The following IL17RA variants were observed in gnomAD, a reference collection of about 807,000 sequenced individuals.
IL17RA encodes the protein interleukin 17 receptor A.
Under a neutral mutation model 50.4 loss-of-function variants are expected in IL17RA, and 34 were observed. The observed-to-expected ratio is 0.67, with a 90% CI of 0.51 to 0.90. The LOEUF (loss-of-function observed/expected upper bound fraction) is 0.90, where lower values mean the gene tolerates loss of function less well. IL17RA is among the 40% of genes least tolerant of loss of function. IL17RA has a pLI of 0.00. For synonymous variants in IL17RA, 585 were observed against 510.4 expected (o/e 1.15, Z -1.97); for missense variants, 1,276 against 1,169.8 (o/e 1.09, Z -1.32).
chr22:17,107,722 T>G lies in IL17RA; in HGVS notation c.1046-5T>G. The G allele has an allele frequency of 1.2e-6, 2 of 1,613,020 alleles. No individual in the cohort carries two copies. Among genetic ancestry groups the G allele is most frequent in the Non-Finnish European group, 1.7e-6 (2 of 1,178,918 alleles). On this transcript the variant is annotated splice_polypyrimidine_tract_variant and splice_region_variant and intron_variant, in intron 11 of 12. Coordinates refer to ENST00000319363, the MANE Select transcript of IL17RA (RefSeq NM_014339.7). Reference sequence around the variant, plus strand: ...CCACTCCAGTGTATTTCTTTTCCTTTCCAGGGCCTGGAAGTGAAAAATACA... The same window carrying G: ...CCACTCCAGTGTATTTCTTTTCCTTGCCAGGGCCTGGAAGTGAAAAATACA...
chr22:17,109,226 G>A lies in IL17RA; in HGVS notation c.2007G>A (p.Val669=). 1 of 1,495,438 alleles carries A rather than the reference G, an allele frequency of 6.7e-7. No homozygotes were observed. Among genetic ancestry groups the A allele is most frequent in the African/African-American group, 1.4e-5 (1 of 72,170 alleles). The allele number at this position is 1,495,438 out of a possible 1,614,324, so 92.6% of individuals were successfully genotyped here. Residue 669 remains valine (V), a synonymous_variant, in exon 13 of 13, where the codon GTG becomes GTA. Transcript: ENST00000319363. ...QPAPQPLHTL[V]LAAEEGALVA... Reference sequence around the variant, plus strand: ...CGCCGCAGCCCCTCCACACCCTGGTGCTCGCCGCAGAGGAGGGGGCCCTGG... The same window carrying A: ...CGCCGCAGCCCCTCCACACCCTGGTACTCGCCGCAGAGGAGGGGGCCCTGG...
At chr22:17,103,599 A>C (rs1399703783) in intron 8 of IL17RA, 22 bp downstream of exon 8, 4 of 1,583,252 alleles carry the variant, frequency 2.5e-6, no homozygotes, top group Non-Finnish European at 3.5e-6. Context: ...TGGTGTGGAC[A>C]GGTGCAGGGA....
rs1384309702 is a variant in IL17RA at position 17,103,590 on chromosome 22, G to T, written c.846+13G>T. The T allele has an allele frequency of 6.2e-7, 1 of 1,601,766 alleles. No homozygotes were observed. The highest frequency in any genetic ancestry group is 1.3e-5 in the African/African-American group (1 of 74,480). On this transcript the variant is annotated intron_variant, in intron 8 of 12. Coordinates refer to ENST00000319363, the MANE Select transcript of IL17RA (RefSeq NM_014339.7). ...CCACCAAGTGCAGGTGGGTGAGTGT[G>T]GTGTGGACAGGTGCAGGGAGCAAAA...
At chr22:17,085,306 G>A in intron 1 of IL17RA, 77 bp downstream of exon 1, 2 of 1,521,762 alleles carry the variant, frequency 1.3e-6, no homozygotes, top group South Asian at 1.2e-5. Flanking sequence ...CCGGACGGTC[G>A]GGACTACGCG....
At chr22:17,087,850 A>G (rs547912314) in intron 1 of IL17RA, among the ~76,000 whole-genome samples, 2 of 152,354 alleles carry the variant, frequency 1.3e-5, no homozygotes, top group South Asian at 2.1e-4. Context: ...ACGTAATTTC[A>G]TAGACAGGAT....
At position 17,108,903 on chromosome 22, in the gene IL17RA, C is replaced by G. The variant is rs1045960937; in HGVS notation, c.1684C>G (p.Pro562Ala). 4.3e-6 allele frequency: 7 copies of G among 1,611,464 alleles called. No homozygotes were observed. Among genetic ancestry groups the G allele is most frequent in the Non-Finnish European group, 5.9e-6 (7 of 1,179,344 alleles). ...ELSGDNYLRSPGGRQLRAALD... is the reference protein window; with the variant it reads ...ELSGDNYLRSAGGRQLRAALD... ...GTCGGGGGACAACTACCTGCGGAGC[C>G]CGGGCGGCAGGCAGCTCCGCGCCGC... is the stretch of plus-strand genomic sequence containing the variant. The change falls in exon 13 of 13, where the codon CCG becomes GCG. Residue 562 changes from proline to alanine, a missense_variant. Physicochemically the swap from Pro to Ala is conservative, Grantham distance 27. Transcript: ENST00000319363.
intron 1 of IL17RA, 143 bp from the exon 2 acceptor site, chr22:17,096,919 C>T (rs1043146615): frequency 6.6e-6 from 5 of 757,008 alleles, no homozygotes; most frequent in African/African-American, 3.5e-5. Flanking sequence ...CCTGGACTCA[C>T]TCCTCATCCT....
chr22:17,087,810 A>G lies in IL17RA; in HGVS notation c.138+2581A>G, dbSNP rs567652013. On this transcript the variant is annotated intron_variant, in intron 1 of 12. Coordinates refer to ENST00000319363, the MANE Select transcript of IL17RA (RefSeq NM_014339.7). Reference sequence around the variant, plus strand: ...AATGCCCATAGGAAAGACAGCAGCAACTTAAGAGTTGGTCAGGGTAAATGT... The same window carrying G: ...AATGCCCATAGGAAAGACAGCAGCAGCTTAAGAGTTGGTCAGGGTAAATGT... Among the ~76,000 whole-genome samples, 3 of 152,376 alleles carry G rather than the reference A, an allele frequency of 2.0e-5. No individual in the cohort carries two copies. The South Asian group carries it at 6.2e-4, about 32-fold the overall frequency.
chr22:17,090,730 T>G (rs1349636776), intron 1 of IL17RA, among the ~76,000 whole-genome samples: 1 of 152,242 alleles, frequency 6.6e-6, no homozygotes, highest in Non-Finnish European at 1.5e-5. Flanking sequence ...AATCATGATT[T>G]TAGTTAAATT....
At position 17,097,065 on chromosome 22, in the gene IL17RA, C is replaced by G; in HGVS notation, c.142C>G (p.Leu48Val). 6.2e-7 allele frequency: 1 copy of G among 1,613,588 alleles called. No homozygotes were observed. The highest frequency in any genetic ancestry group is 8.5e-7 in the Non-Finnish European group (1 of 1,179,600). Residue 48 changes from leucine to valine, a missense_variant, in exon 2 of 13, where the codon CTA becomes GTA. Leu to Val is a conservative substitution (Grantham distance 32). Transcript: ENST00000319363. ...HRALVCSQPG[L>V]NCTVKNSTCL... Reference sequence around the variant, plus strand: ...AACCACCCTCTTTTTTCCACAGGGGCTAAACTGCACGGTCAAGAATAGTAA... The same window carrying G: ...AACCACCCTCTTTTTTCCACAGGGGGTAAACTGCACGGTCAAGAATAGTAA...
intron 1 of IL17RA, among the ~76,000 whole-genome samples, chr22:17,088,143 T>C (rs778641053): frequency 8.5e-5 from 13 of 152,098 alleles, no homozygotes; most frequent in African/African-American, 2.4e-4. Flanking sequence ...AGCTAATGAG[T>C]GCTAAGGTGA....
intron 1 of IL17RA, among the ~76,000 whole-genome samples, chr22:17,085,950 C>G (rs1459062722): frequency 1.3e-5 from 2 of 152,120 alleles, no homozygotes; most frequent in African/African-American, 4.8e-5. Context: ...GCAGATGGTT[C>G]TTAAGACGGC....
rs371093629 is a variant in IL17RA at position 17,105,720 on chromosome 22, T to TG, written c.943+124dup. On this transcript the variant is annotated intron_variant, in intron 10 of 12. Transcript: ENST00000319363. Reference sequence around the variant, plus strand: ...AGGCTGAACCGAGGCCAGCCCGGGGTGGGGGGTGAGACCATGGTTTGTCGT... The same window carrying TG: ...AGGCTGAACCGAGGCCAGCCCGGGGTGGGGGGGTGAGACCATGGTTTGTCGT... 18,371 of 689,966 alleles carry TG rather than the reference T, an allele frequency of 0.027. 622 individuals carry two copies. In the East Asian group the frequency reaches 0.3, roughly 11 times the overall value. The allele number at this position is 689,966 out of a possible 1,614,324, so 42.7% of individuals were successfully genotyped here. A position where few individuals can be genotyped will look rare whatever the true frequency, so the allele number is the denominator to read the frequency against.
chr22:17,105,725 G>A (rs1438572773), intron 10 of IL17RA, 123 bp downstream of exon 10: 3 of 1,343,702 alleles, frequency 2.2e-6, no homozygotes, highest in Non-Finnish European at 3.1e-6. Flanking sequence ...CGGGGTGGGG[G>A]GTGAGACCAT....
At chr22:17,098,666 C>G (rs1476290069) in intron 3 of IL17RA, 109 bp from the exon 4 acceptor site, 5 of 813,484 alleles carry the variant, frequency 6.1e-6, no homozygotes, top group Admixed American at 5.9e-5. Context: ...GGTAAGACGG[C>G]AGATTTTCTT....
At position 17,109,407 on chromosome 22, in the gene IL17RA, A is replaced by C; in HGVS notation, c.2188A>C (p.Ser730Arg). ...GGACCCCGAGGACTCGCCCCTTGGCAGCAGCACCCCCATGGCGTCTCCTGA... is the reference window on the plus strand; with the variant it reads ...GGACCCCGAGGACTCGCCCCTTGGCCGCAGCACCCCCATGGCGTCTCCTGA... Reference protein sequence around the residue: ...PVDPEDSPLGSSTPMASPDLL... With the variant: ...PVDPEDSPLGRSTPMASPDLL... The change falls in exon 13 of 13, where the codon AGC becomes CGC. Residue 730 changes from serine (S) to arginine (R), a missense_variant. Coordinates refer to ENST00000319363, the MANE Select transcript of IL17RA (RefSeq NM_014339.7). 1 of 1,613,162 alleles carries C rather than the reference A, an allele frequency of 6.2e-7. No homozygotes were observed. Among genetic ancestry groups the C allele is most frequent in the South Asian group, 1.1e-5 (1 of 91,040 alleles).
chr22:17,106,064 A>G, intron 11 of IL17RA, 110 bp downstream of exon 11: 1 of 818,354 alleles, frequency 1.2e-6, no homozygotes, highest in Non-Finnish European at 2.1e-6. Flanking sequence ...TTGCTTGAGA[A>G]CCACGTCATA....
chr22:17,114,127 A>G lies in IL17RA; in HGVS notation c.*4307A>G, dbSNP rs902426056. 11 of 152,204 alleles carry G rather than the reference A, an allele frequency of 7.2e-5. No homozygotes were observed. The highest frequency in any genetic ancestry group is 2.7e-4 in the African/African-American group (11 of 41,436). The allele number at this position is 152,204 out of a possible 1,614,324, so 9.4% of individuals were successfully genotyped here. A position where few individuals can be genotyped will look rare whatever the true frequency, so the allele number is the denominator to read the frequency against. On this transcript the variant is annotated 3_prime_UTR_variant, in exon 13 of 13. Transcript: ENST00000319363. ...GAAAAATGGCAACAATATGGATTCCATGGGTATATTTTATAGAAGAATATG... is the reference window on the plus strand; with the variant it reads ...GAAAAATGGCAACAATATGGATTCCGTGGGTATATTTTATAGAAGAATATG...
At chr22:17,092,294 G>A (rs1179191280) in intron 1 of IL17RA, among the ~76,000 whole-genome samples, 3 of 152,178 alleles carry the variant, frequency 2.0e-5, no homozygotes, top group African/African-American at 7.2e-5. Flanking sequence ...TATTATTTGT[G>A]ATATCCTTAA....
Sources: allele counts gnomAD v4.1 joint callset (sites outside exome capture counted in the v4.1 genomes callset), GRCh38; gene constraint gnomAD v4.1.1; transcripts MANE v1.5; gene names NCBI Gene and HGNC (gene_info 2026-07-23, HGNC 2026-07-21).